The following EIF2A variants were observed in gnomAD, a reference collection of about 807,000 sequenced individuals.
EIF2A encodes eukaryotic translation initiation factor 2A, also known as 65 kDa eukaryotic translation initiation factor 2A.
EIF2A carries 62 observed loss-of-function variants against 75.2 expected under a neutral mutation model. That is an observed-to-expected ratio of 0.82 (90% CI 0.67 to 1.02). The LOEUF is 1.02. Among genes scored for constraint, EIF2A ranks in the 50% least tolerant of loss-of-function variants. The pLI, the probability that EIF2A is intolerant of heterozygous loss-of-function variation, is 0.00. For synonymous variants in EIF2A, 207 were observed against 239.0 expected (o/e 0.87, Z 1.23); for missense variants, 611 against 677.7 (o/e 0.90, Z 1.09).
intron 2 of EIF2A, among the ~76,000 whole-genome samples, chr3:150,557,177 A>G (rs1022042568): frequency 9.2e-5 from 14 of 152,204 alleles, no homozygotes; most frequent in Admixed American, 5.9e-4. Flanking sequence ...TATAATTTAT[A>G]TATTACATAC....
chr3:150,561,186 A>G (rs1723833015), intron 3 of EIF2A, among the ~76,000 whole-genome samples: 1 of 151,664 alleles, frequency 6.6e-6, no homozygotes, highest in African/African-American at 2.4e-5. Flanking sequence ...CTGGTTTTGA[A>G]CTCCTGGGCT....
intron 11 of EIF2A, 101 bp from the exon 12 acceptor site, chr3:150,581,517 A>T: frequency 1.5e-6 from 2 of 1,342,684 alleles, no homozygotes; most frequent in African/African-American, 3.0e-5. Flanking sequence ...AGATAAAATC[A>T]CATATTTAGT....
intron 2 of EIF2A, 66 bp downstream of exon 2, chr3:150,552,491 G>A (rs939076840): frequency 7.3e-7 from 1 of 1,364,640 alleles, no homozygotes; most frequent in Middle Eastern, 1.9e-4. Context: ...GGTTTTGTTG[G>A]TGGTGTATTT....
intron 12 of EIF2A, among the ~76,000 whole-genome samples, chr3:150,582,125 C>T (rs1457985460): frequency 4.6e-5 from 7 of 151,798 alleles, no homozygotes; most frequent in South Asian, 2.1e-4. Context: ...CTCAGCCTCC[C>T]GAGTAGCTGG....
chr3:150,552,923 C>A (rs770072989), intron 2 of EIF2A: 1 of 152,708 alleles, frequency 6.5e-6, no homozygotes. Context: ...GAGAGAGTTA[C>A]AGAATGCGGG....
chr3:150,574,286 C>T (rs1215257276), intron 10 of EIF2A, among the ~76,000 whole-genome samples: 1 of 152,140 alleles, frequency 6.6e-6, no homozygotes, highest in Admixed American at 6.6e-5. Context: ...AGAAAAAACT[C>T]ATGATTTATA....
intron 3 of EIF2A, among the ~76,000 whole-genome samples, chr3:150,561,406 C>T (rs1030281213): frequency 7.2e-5 from 11 of 152,146 alleles, no homozygotes; most frequent in Admixed American, 2.6e-4. Flanking sequence ...GGTGAAACCC[C>T]GTCTCTACCA....
chr3:150,563,747 A>T, intron 5 of EIF2A, 133 bp downstream of exon 5: 1 of 715,232 alleles, frequency 1.4e-6, no homozygotes, highest in Non-Finnish European at 2.2e-6. Flanking sequence ...AGGATTTTGT[A>T]TGTAGGAATG....
At chr3:150,548,469 G>A (rs1345091738) in intron 1 of EIF2A, among the ~76,000 whole-genome samples, 1 of 152,116 alleles carries the variant, frequency 6.6e-6, no homozygotes, top group Non-Finnish European at 1.5e-5. Context: ...ATTCATATCT[G>A]TCTTCTCAGT....
rs1348229006 is a variant in EIF2A at position 150,567,675 on chromosome 3, A to C, written c.476-18A>C. 3 of 1,484,088 alleles carry C rather than the reference A, an allele frequency of 2.0e-6. No homozygotes were observed. The highest frequency in any genetic ancestry group is 1.4e-5 in the African/African-American group (1 of 70,750). The allele number at this position is 1,484,088 out of a possible 1,614,324, so 91.9% of individuals were successfully genotyped here. ...TAGGTTCTCTCATCAATCTGATTTA[A>C]TTTACTCTTTTTTTTAGACACAATT... On this transcript the variant is annotated intron_variant, in intron 6 of 13. Transcript: ENST00000460851.
intron 1 of EIF2A, among the ~76,000 whole-genome samples, chr3:150,549,704 A>C (rs1045741279): frequency 2.6e-5 from 4 of 152,126 alleles, no homozygotes; most frequent in African/African-American, 9.7e-5. Flanking sequence ...GTCAACTTTT[A>C]ATCATGTAGT....
chr3:150,549,483 G>A (rs1576585470), intron 1 of EIF2A, among the ~76,000 whole-genome samples: 1 of 152,102 alleles, frequency 6.6e-6, no homozygotes, highest in East Asian at 1.9e-4. Context: ...CTCCCAAAGT[G>A]CTGGGATTAC....
intron 2 of EIF2A, among the ~76,000 whole-genome samples, chr3:150,556,248 A>G (rs908353242): frequency 6.6e-6 from 1 of 152,224 alleles, no homozygotes; most frequent in African/African-American, 2.4e-5. Context: ...AGAGTAGAAC[A>G]GAGAGATATT....
intron 1 of EIF2A, among the ~76,000 whole-genome samples, chr3:150,550,047 T>A (rs1045707998): frequency 1.3e-5 from 2 of 152,176 alleles, no homozygotes; most frequent in African/African-American, 2.4e-5. Flanking sequence ...AGTATATGAA[T>A]GTCTAAAAAG....
chr3:150,558,254 A>C, intron 2 of EIF2A, 134 bp from the exon 3 acceptor site: 1 of 722,600 alleles, frequency 1.4e-6, no homozygotes, highest in South Asian at 2.1e-5. Context: ...AGATGAAAGC[A>C]TTTTGGAATT....
chr3:150,553,946 C>G (rs780583349), intron 2 of EIF2A, among the ~76,000 whole-genome samples: 10 of 152,124 alleles, frequency 6.6e-5, no homozygotes, highest in Non-Finnish European at 1.2e-4. Flanking sequence ...AGTGAATACC[C>G]CATCCTCACA....
chr3:150,563,494 A>G, intron 4 of EIF2A, 21 bp from the exon 5 acceptor site: 1 of 1,538,100 alleles, frequency 6.5e-7, no homozygotes, highest in Middle Eastern at 1.7e-4. Flanking sequence ...CAATTACTGA[A>G]AAAAAGAAAT....
intron 2 of EIF2A, among the ~76,000 whole-genome samples, chr3:150,555,199 G>T (rs575156469): frequency 6.6e-6 from 1 of 152,102 alleles, no homozygotes; most frequent in African/African-American, 2.4e-5. Context: ...AAAGTGCTGG[G>T]ATTACAGGCC....
chr3:150,549,223 T>TTTC (rs1491542895), intron 1 of EIF2A, among the ~76,000 whole-genome samples: 33 of 6,274 alleles, frequency 5.3e-3, no homozygotes, highest in Admixed American at 0.012. Flanking sequence ...TCTTTCTTTC[T>TTTC]TTTTTTTTTT....
Sources: gnomAD v4.1 joint callset for allele counts (sites outside exome capture counted in the v4.1 genomes callset) on GRCh38, gnomAD v4.1.1 for gene constraint, MANE v1.5 for transcripts, NCBI Gene and HGNC (gene_info 2026-07-23, HGNC 2026-07-21) for gene names.